The following GFRA1 variants were observed in gnomAD, a reference collection of about 807,000 sequenced individuals.
The protein encoded by GFRA1 is GDNF family receptor alpha-1.
GFRA1 carries 16 observed loss-of-function variants against 51.6 expected under a neutral mutation model. That is an observed-to-expected ratio of 0.31 (90% CI 0.21 to 0.47). The LOEUF (loss-of-function observed/expected upper bound fraction) is 0.47, where lower values mean the gene tolerates loss of function less well. Ranked by LOEUF, GFRA1 falls within the 20% of genes least tolerant of loss-of-function variation. The pLI, the probability that GFRA1 is intolerant of heterozygous loss-of-function variation, is 1.00. For missense variants in GFRA1, 530 were observed against 594.3 expected, an observed-to-expected ratio of 0.89 and a Z score of 1.13; for synonymous variants, 270 against 241.3, an observed-to-expected ratio of 1.12 and a Z score of -1.10.
At position 116,058,037 on chromosome 10, in the gene GFRA1, T is replaced by TCA. The variant is rs1555140511; in HGVS notation, c.*6360_*6361insTG. On this transcript the variant is annotated 3_prime_UTR_variant, in exon 11 of 11. Coordinates refer to ENST00000355422, the MANE Select transcript of GFRA1 (RefSeq NM_005264.8). ...GTGTGTGTGTGTGTGTGTGTGTGTG[T>TCA]GTGTGACAGAGAGAACCACGCTTTA... is the stretch of plus-strand genomic sequence containing the variant. 1.7e-5 allele frequency: 2 copies of TCA among 118,254 alleles called. No individual in the cohort carries two copies. The highest frequency in any genetic ancestry group is 3.5e-5 in the African/African-American group (1 of 28,548). The allele number at this position is 118,254 out of a possible 1,614,324, so 7.3% of individuals were successfully genotyped here.
At chr10:116,079,267 T>A (rs1479963429) in intron 9 of GFRA1, among the ~76,000 whole-genome samples, 1 of 151,976 alleles carries the variant, frequency 6.6e-6, no homozygotes, top group East Asian at 1.9e-4. Context: ...GAAATAAATT[T>A]CTGTTGCTTA....
At chr10:116,168,868 T>C (rs1960758019) in intron 5 of GFRA1, among the ~76,000 whole-genome samples, 1 of 152,240 alleles carries the variant, frequency 6.6e-6, no homozygotes, top group Non-Finnish European at 1.5e-5. Context: ...CTTTCAAATA[T>C]AAAACCCACA....
At chr10:116,220,546 C>A (rs1012490947) in intron 4 of GFRA1, among the ~76,000 whole-genome samples, 4 of 152,198 alleles carry the variant, frequency 2.6e-5, no homozygotes, top group African/African-American at 9.7e-5. Flanking sequence ...ATGATCATTA[C>A]TTGATGCTTG....
chr10:116,237,290 C>G (rs2420252), intron 4 of GFRA1, among the ~76,000 whole-genome samples: 84,712 of 152,028 alleles, frequency 0.56, 23,624 homozygotes, highest in East Asian at 0.58. Flanking sequence ...ATTCAGCTCT[C>G]TGGTTGAACC....
Position 116,213,073 on chromosome 10 carries a change from T to C in GFRA1, c.419-1428A>G, listed in dbSNP as rs545081929. Among the ~76,000 whole-genome samples, 5 of 152,268 alleles carry C rather than the reference T, an allele frequency of 3.3e-5. No individual in the cohort carries two copies. The East Asian group carries it at 7.7e-4, about 24-fold the overall frequency. On this transcript the variant is annotated intron_variant, in intron 4 of 10. Transcript: ENST00000355422. ...AGTTTCTGCTCTGATGGTAGGATTGTAAAAAGGAATGAAACTTCTAGAAGA... is the reference window on the plus strand; with the variant it reads ...AGTTTCTGCTCTGATGGTAGGATTGCAAAAAGGAATGAAACTTCTAGAAGA...
chr10:116,134,891 C>G (rs17805809), intron 5 of GFRA1, among the ~76,000 whole-genome samples: 17,811 of 152,234 alleles, frequency 0.12, 1,347 homozygotes, highest in South Asian at 0.21. Flanking sequence ...TGGATATCTC[C>G]TGTAAGTGGT....
At chr10:116,267,066 A>G (rs1273141475) in intron 4 of GFRA1, among the ~76,000 whole-genome samples, 1 of 152,076 alleles carries the variant, frequency 6.6e-6, no homozygotes, top group Non-Finnish European at 1.5e-5. Context: ...GCTTGAGCCC[A>G]GGAGTTTGGG....
chr10:116,096,861 CT>C (rs35021006), intron 6 of GFRA1, 97 bp from the exon 7 acceptor site: 1 of 685,494 alleles, frequency 1.5e-6, no homozygotes, highest in Non-Finnish European at 2.6e-6. Context: ...GTTGATATGC[CT>C]TTTTCTGCAC....
At chr10:116,273,619 C>A (rs961083238), upstream of GFRA1, among the ~76,000 whole-genome samples, 2 of 151,790 alleles carry the variant, frequency 1.3e-5, no homozygotes, top group Non-Finnish European at 2.9e-5. Context: ...GTTCTGCAGC[C>A]GGCCGCGGGT....
intron 6 of GFRA1, among the ~76,000 whole-genome samples, chr10:116,107,279 C>T (rs1024470729): frequency 6.6e-6 from 1 of 152,192 alleles, no homozygotes; most frequent in African/African-American, 2.4e-5. Context: ...CTGGTGTCTT[C>T]TCTTCTTCTC....
intron 6 of GFRA1, among the ~76,000 whole-genome samples, chr10:116,124,143 G>T (rs1294907307): frequency 6.6e-6 from 1 of 152,132 alleles, no homozygotes; most frequent in Admixed American, 6.5e-5. Flanking sequence ...GACCTCAAGC[G>T]ATCTGCCTGC....
At chr10:116,271,254 C>G (rs1212058096) in intron 2 of GFRA1, 139 bp from the exon 3 acceptor site, 4 of 638,430 alleles carry the variant, frequency 6.3e-6, no homozygotes, top group Non-Finnish European at 1.1e-5. Flanking sequence ...GGGTCCACCT[C>G]TCGACCATCC....
At position 116,165,665 on chromosome 10, in the gene GFRA1, T is replaced by TCTCACACACA. The variant is rs144455312; in HGVS notation, c.434-40109_434-40108insTGTGTGTGAG. Among the ~76,000 whole-genome samples the TCTCACACACA allele has an allele frequency of 5.3e-5, 8 of 149,556 alleles. No individual in the cohort carries two copies. In the South Asian group the frequency reaches 6.5e-4, roughly 12 times the overall value. ...CTTTCATGTGCTCTTTCTCTCACTC[T>TCTCACACACA]CACACACACACACACACACACACTC... is the stretch of plus-strand genomic sequence containing the variant. On this transcript the variant is annotated intron_variant, in intron 5 of 10. Transcript: ENST00000355422.
Position 116,118,231 on chromosome 10 carries a change from T to G in GFRA1, c.770+6990A>C, listed in dbSNP as rs73367263. 5.5e-3 allele frequency among the ~76,000 whole-genome samples: 842 copies of G among 152,344 alleles called. 10 individuals carry two copies. The highest frequency in any genetic ancestry group is 0.019 in the African/African-American group (779 of 41,582). ...AATTCCTGTCCTGTTCTTGTGGGAC[T>G]CTGCGCTCATCGCTTCTCATGGGTC... On this transcript the variant is annotated intron_variant, in intron 6 of 10. Transcript: ENST00000355422.
chr10:116,272,497 A>G lies in GFRA1; in HGVS notation c.-246-222T>C, dbSNP rs887316386. The G allele has an allele frequency of 5.9e-5, 11 of 186,090 alleles. No individual in the cohort carries two copies. Among genetic ancestry groups the G allele is most frequent in the Admixed American group, 1.1e-4 (2 of 18,062 alleles). 11.5% of individuals were successfully genotyped at this position (186,090 alleles called of 1,614,324 possible). On this transcript the variant is annotated intron_variant, in intron 1 of 10. Transcript: ENST00000355422. This position sits in a 1 kb window ranked among gnomAD's most constrained non-coding sequence, Gnocchi z 4.4. ...GTCTGAAGAGGGTTCCTAAAGTCCAAGGGGGTGTCTGTTGGGTTCAACCCG... is the reference window on the plus strand; with the variant it reads ...GTCTGAAGAGGGTTCCTAAAGTCCAGGGGGGTGTCTGTTGGGTTCAACCCG...
chr10:116,197,236 A>G (rs1353003428), intron 5 of GFRA1, among the ~76,000 whole-genome samples: 1 of 152,060 alleles, frequency 6.6e-6, no homozygotes, highest in Non-Finnish European at 1.5e-5. Flanking sequence ...CAGGAATGAG[A>G]TTAGGGCCCT....
intron 5 of GFRA1, among the ~76,000 whole-genome samples, chr10:116,137,501 A>AC (rs1364815375): frequency 2.6e-5 from 4 of 151,912 alleles, no homozygotes; most frequent in Non-Finnish European, 5.9e-5. Flanking sequence ...CCCAATTAAT[A>AC]CCCCATTAAG....
Position 116,061,944 on chromosome 10 carries a change from C to A in GFRA1, c.*2454G>T, listed in dbSNP as rs1954838872. ...TGTTGTCCCTGAACAAGATGCTTCC[C>A]CCTATTTATTTAATCAGCAACTGAT... On this transcript the variant is annotated 3_prime_UTR_variant, in exon 11 of 11. Transcript: ENST00000355422. The A allele has an allele frequency of 5.0e-6, 2 of 398,528 alleles. No individual in the cohort carries two copies. Among genetic ancestry groups the A allele is most frequent in the South Asian group, 2.6e-4 (2 of 7,828 alleles). The allele number at this position is 398,528 out of a possible 1,614,324, so 24.7% of individuals were successfully genotyped here.
At position 116,268,709 on chromosome 10, in the gene GFRA1, T is replaced by A. The variant is rs192019671; in HGVS notation, c.418+794A>T. 9.8e-5 allele frequency among the ~76,000 whole-genome samples: 15 copies of A among 152,342 alleles called. No homozygotes were observed. The East Asian group carries it at 2.7e-3, about 27-fold the overall frequency. On this transcript the variant is annotated intron_variant, in intron 4 of 10. Coordinates refer to ENST00000355422, the MANE Select transcript of GFRA1 (RefSeq NM_005264.8). ...AGACATATAATTTGTGGTGGCTATA[T>A]ATACTTGAGAAAATGTCTAAACTGT...
Sources: allele counts gnomAD v4.1 joint callset (sites outside exome capture counted in the v4.1 genomes callset), GRCh38; gene constraint gnomAD v4.1.1; non-coding constraint Gnocchi (gnomAD v3.1); transcripts MANE v1.5; gene names NCBI Gene and HGNC (gene_info 2026-07-23, HGNC 2026-07-21).